Variants in ANOS1 observed in about 807,000 individuals in gnomAD.
ANOS1 encodes the protein anosmin 1, also known as anosmin-1.
A neutral mutation model predicts 59.0 loss-of-function variants in ANOS1; 6 were observed. The ratio of observed to expected loss-of-function variants is 0.10; its 90% CI spans 0.06 to 0.20. The LOEUF is 0.20. ANOS1 is among the 10% of genes least tolerant of loss of function. ANOS1 has a pLI of 1.00. For synonymous variants in ANOS1, 217 were observed against 223.4 expected (o/e 0.97, Z 0.25); for missense variants, 433 against 542.3 (o/e 0.80, Z 2.00).
intron 2 of ANOS1, among the ~76,000 whole-genome samples, chrX:8,645,953 T>A (rs5978931): frequency 9.2e-6 from 1 of 108,377 alleles, no homozygotes; most frequent in Non-Finnish European, 1.9e-5. Context: ...TGTGTCTGGG[T>A]AATTTTTGTA....
Position 8,532,763 on chromosome X carries a change from C to G in ANOS1, c.*232G>C. The G allele has an allele frequency of 8.4e-6, 3 of 356,462 alleles. No homozygotes were observed. Among genetic ancestry groups the G allele is most frequent in the Non-Finnish European group, 1.5e-5 (3 of 202,978 alleles). 29.4% of individuals were successfully genotyped at this position (356,462 alleles called of 1,213,427 possible). On this transcript the variant is annotated 3_prime_UTR_variant, in exon 14 of 14. Transcript: ENST00000262648. ...AAATTTAGCATTAAACAGGCCTATT[C>G]TTCATTTTCTCCATGCTTGTAGGGA...
Position 8,597,217 on chromosome X carries a change from A to T in ANOS1, c.358T>A (p.Cys120Ser). ...AACAGGATGTATTTGAGGAACTCAC[A>T]GCTGGTCAAGCATTCGTAGCTCTTC... ...PKKSYECLTS[C>S]EFLKYILLVK... The change falls in exon 4 of 14, where the codon TGT (cysteine) becomes AGT (serine). Residue 120 changes from cysteine (C) to serine (S), a missense_variant. Cys to Ser is a moderately radical substitution (Grantham distance 112). Transcript: ENST00000262648. The T allele has an allele frequency of 8.3e-7, 1 of 1,211,677 alleles. No homozygotes were observed.
chrX:8,565,614 A>C (rs1284206026), intron 8 of ANOS1, among the ~76,000 whole-genome samples: 3 of 112,635 alleles, frequency 2.7e-5, no homozygotes, highest in Non-Finnish European at 5.6e-5. Flanking sequence ...AAAGAACTGG[A>C]CAGATTCCAT....
intron 1 of ANOS1, among the ~76,000 whole-genome samples, chrX:8,717,092 G>A (rs1300092492): frequency 2.7e-5 from 3 of 111,233 alleles, no homozygotes; most frequent in East Asian, 2.8e-4. Flanking sequence ...GCTCCAAAAC[G>A]TCCACAGTGT....
chrX:8,671,538 C>T (rs1275600855), intron 2 of ANOS1, among the ~76,000 whole-genome samples: 2 of 109,027 alleles, frequency 1.8e-5, no homozygotes, highest in African/African-American at 6.7e-5. Context: ...TCAAATAAAA[C>T]AACATCTATA....
intron 2 of ANOS1, among the ~76,000 whole-genome samples, chrX:8,667,759 C>G (rs1181560466): frequency 9.0e-6 from 1 of 110,801 alleles, no homozygotes; most frequent in Admixed American, 9.6e-5. Flanking sequence ...TGGCCCAATA[C>G]CAGAAAGGAG....
At chrX:8,585,233 G>A in intron 6 of ANOS1, 34 bp downstream of exon 6, 1 of 1,196,823 alleles carries the variant, frequency 8.4e-7, no homozygotes, top group Non-Finnish European at 1.1e-6. Context: ...AGCAAGGATA[G>A]TATTCTGTGT....
At chrX:8,624,483 ATTG>A (rs1169446095) in intron 2 of ANOS1, among the ~76,000 whole-genome samples, 12 of 108,414 alleles carry the variant, frequency 1.1e-4, no homozygotes, top group Non-Finnish European at 1.7e-4. Flanking sequence ...CATATGTATT[ATTG>A]TTAACTTGTG....
At chrX:8,569,458 T>C (rs188287402) in intron 7 of ANOS1, among the ~76,000 whole-genome samples, 12,383 of 111,267 alleles carry the variant, frequency 0.11, 625 homozygotes, top group South Asian at 0.26. Flanking sequence ...CTGGCTAACA[T>C]GGTGAAACCC....
intron 2 of ANOS1, among the ~76,000 whole-genome samples, chrX:8,670,967 T>C (rs1932245390): frequency 1.8e-5 from 2 of 110,995 alleles, no homozygotes; most frequent in South Asian, 3.8e-4. Flanking sequence ...CCGAAATCCA[T>C]CCGCCTCACC....
chrX:8,711,594 G>A (rs1266331021), intron 1 of ANOS1, among the ~76,000 whole-genome samples: 2 of 112,683 alleles, frequency 1.8e-5, no homozygotes, highest in East Asian at 5.6e-4. Context: ...AGTCTAGCTG[G>A]CAAGATGCCA....
chrX:8,554,037 T>A lies in ANOS1; in HGVS notation c.1269A>T (p.Arg423=). Residue 423 remains arginine (R), a synonymous_variant, in exon 9 of 14, where the codon CGA becomes CGT. Transcript: ENST00000262648. ...GIQTQLPFQR[R]RPTRPLEVGA... Reference sequence around the variant, plus strand: ...CGACTTCCAGCGGGCGAGTGGGTCGTCGTCTTTGAAAAGGGAGTTGTGTTT... The same window carrying A: ...CGACTTCCAGCGGGCGAGTGGGTCGACGTCTTTGAAAAGGGAGTTGTGTTT... The A allele has an allele frequency of 1.7e-6, 2 of 1,207,492 alleles. No individual in the cohort carries two copies. The highest frequency in any genetic ancestry group is 1.7e-5 in the African/African-American group (1 of 57,735).
intron 9 of ANOS1, among the ~76,000 whole-genome samples, chrX:8,551,226 A>G (rs1225692600): frequency 8.9e-6 from 1 of 112,359 alleles, no homozygotes; most frequent in Non-Finnish European, 1.9e-5. Flanking sequence ...GAAACAGTGG[A>G]CAAGAAGACA....
intron 9 of ANOS1, among the ~76,000 whole-genome samples, chrX:8,543,675 C>T (rs1929722199): frequency 3.6e-5 from 4 of 109,745 alleles, no homozygotes; most frequent in African/African-American, 1.3e-4. Flanking sequence ...AGCAGCCTGG[C>T]CAGCATGGTG....
Position 8,730,542 on chromosome X carries a change from C to T in ANOS1, c.207+1288G>A, listed in dbSNP as rs766355328. 2.7e-5 allele frequency among the ~76,000 whole-genome samples: 3 copies of T among 111,417 alleles called. No individual in the cohort carries two copies. The South Asian group carries it at 1.1e-3, about 42-fold the overall frequency. ...CCACATTCCACCCTTATTAATATGG[C>T]CTCCTCTGGCAGCTTAATTCCCAGG... On this transcript the variant is annotated intron_variant, in intron 1 of 13. Coordinates refer to ENST00000262648, the MANE Select transcript of ANOS1 (RefSeq NM_000216.4).
chrX:8,670,643 A>G (rs1420523659), intron 2 of ANOS1, among the ~76,000 whole-genome samples: 1 of 111,785 alleles, frequency 8.9e-6, no homozygotes, highest in Non-Finnish European at 1.9e-5. Context: ...CATAAATACC[A>G]TGAAATTCTG....
intron 2 of ANOS1, among the ~76,000 whole-genome samples, chrX:8,655,391 T>C (rs1378553599): frequency 9.0e-6 from 1 of 111,202 alleles, no homozygotes; most frequent in Non-Finnish European, 1.9e-5. Flanking sequence ...GGAGCTCAGG[T>C]GGTGATGTGA....
intron 2 of ANOS1, among the ~76,000 whole-genome samples, chrX:8,665,681 G>T (rs913886480): frequency 6.3e-5 from 7 of 111,914 alleles, no homozygotes; most frequent in Non-Finnish European, 5.6e-5. Context: ...AGATGTTGGG[G>T]ACCCAATTCA....
At chrX:8,683,235 A>G (rs2146887763) in intron 2 of ANOS1, among the ~76,000 whole-genome samples, 1 of 111,597 alleles carries the variant, frequency 9.0e-6, no homozygotes, top group South Asian at 3.8e-4. Flanking sequence ...GCAGCTAGAT[A>G]GAAAAGTAAA....
Sources: gnomAD v4.1 joint callset for allele counts (sites outside exome capture counted in the v4.1 genomes callset) on GRCh38, gnomAD v4.1.1 for gene constraint, MANE v1.5 for transcripts, NCBI Gene and HGNC (gene_info 2026-07-23, HGNC 2026-07-21) for gene names.